The following OPCML variants were observed in gnomAD, a reference collection of about 807,000 sequenced individuals.
OPCML encodes the protein opioid-binding protein/cell adhesion molecule.
OPCML carries 13 observed loss-of-function variants against 37.8 expected under a neutral mutation model. The observed-to-expected ratio is 0.34, with a 90% CI of 0.22 to 0.55. The LOEUF is 0.55. Among genes scored for constraint, OPCML ranks in the 20% least tolerant of loss-of-function variants. The pLI is 0.91. For missense variants in OPCML, 341 were observed against 435.6 expected, an observed-to-expected ratio of 0.78 and a Z score of 1.93; for synonymous variants, 176 against 168.8, an observed-to-expected ratio of 1.04 and a Z score of -0.33.
At chr11:132,426,517 C>G (rs926318570) in intron 7 of OPCML, among the ~76,000 whole-genome samples, 2 of 152,112 alleles carry the variant, frequency 1.3e-5, no homozygotes, top group African/African-American at 4.8e-5. Flanking sequence ...TCGGCTGAAT[C>G]TGCCTTTCAG....
chr11:132,934,912 G>C (rs367926850), intron 2 of OPCML, among the ~76,000 whole-genome samples: 1 of 152,098 alleles, frequency 6.6e-6, no homozygotes, highest in Admixed American at 6.5e-5. Context: ...GGCCGGGATG[G>C]GGGGAACACC....
At chr11:132,433,627 C>T (rs111267627) in intron 7 of OPCML, among the ~76,000 whole-genome samples, 2,365 of 152,252 alleles carry the variant, frequency 0.016, 51 homozygotes, top group African/African-American at 0.053. Flanking sequence ...ATGCTCTAAC[C>T]CCCAGTATGT....
intron 2 of OPCML, among the ~76,000 whole-genome samples, chr11:132,717,029 A>G (rs918925541): frequency 6.6e-6 from 1 of 152,180 alleles, no homozygotes; most frequent in Non-Finnish European, 1.5e-5. Context: ...AAAAATTTAA[A>G]CATGGAGATA....
chr11:133,307,168 G>A (rs983089979), intron 1 of OPCML, among the ~76,000 whole-genome samples: 4 of 152,018 alleles, frequency 2.6e-5, no homozygotes, highest in African/African-American at 9.7e-5. Flanking sequence ...CATTTCGAAA[G>A]TAAAAGTAAA....
intron 2 of OPCML, among the ~76,000 whole-genome samples, chr11:132,758,053 G>A (rs2136088361): frequency 6.6e-6 from 1 of 152,276 alleles, no homozygotes; most frequent in South Asian, 2.1e-4. Flanking sequence ...TATTAAATAG[G>A]GAATCCTTTC....
At chr11:133,244,552 A>G (rs1306584436) in intron 1 of OPCML, among the ~76,000 whole-genome samples, 2 of 152,160 alleles carry the variant, frequency 1.3e-5, no homozygotes. Flanking sequence ...CTCATGTCGA[A>G]TTATAATCTC....
At chr11:133,339,075 C>T (rs1042910021) in intron 1 of OPCML, among the ~76,000 whole-genome samples, 1 of 152,188 alleles carries the variant, frequency 6.6e-6, no homozygotes, top group African/African-American at 2.4e-5. Context: ...CAAAATACAA[C>T]TTTTATCTCC....
chr11:132,509,266 A>G (rs28807814), intron 4 of OPCML, among the ~76,000 whole-genome samples: 30,446 of 152,080 alleles, frequency 0.2, 3,135 homozygotes, highest in Non-Finnish European at 0.22. Context: ...ACTGTTAAAG[A>G]GTACTGTTAA....
intron 2 of OPCML, among the ~76,000 whole-genome samples, chr11:132,902,695 C>A (rs1167448467): frequency 6.6e-6 from 1 of 152,142 alleles, no homozygotes; most frequent in African/African-American, 2.4e-5. Flanking sequence ...TCTGCCCTCA[C>A]CCCTGGCACA....
chr11:132,969,060 C>A (rs565909210), intron 1 of OPCML, among the ~76,000 whole-genome samples: 9 of 152,066 alleles, frequency 5.9e-5, no homozygotes, highest in Non-Finnish European at 8.8e-5. Flanking sequence ...ATCACCAGAG[C>A]GCTATACACT....
chr11:132,723,541 C>T (rs943988667), intron 2 of OPCML, among the ~76,000 whole-genome samples: 23 of 148,552 alleles, frequency 1.5e-4, no homozygotes, highest in African/African-American at 5.1e-4. Flanking sequence ...GGTAAACATT[C>T]GGTAATTTTA....
At chr11:132,670,808 A>G (rs1342319908) in intron 2 of OPCML, among the ~76,000 whole-genome samples, 1 of 152,198 alleles carries the variant, frequency 6.6e-6, no homozygotes, top group Non-Finnish European at 1.5e-5. Flanking sequence ...ATATTTACAT[A>G]ATTACTTACT....
intron 1 of OPCML, among the ~76,000 whole-genome samples, chr11:133,249,990 A>T (rs1026556081): frequency 4.6e-5 from 7 of 152,202 alleles, no homozygotes; most frequent in Non-Finnish European, 7.3e-5. Flanking sequence ...ATTCCATCTA[A>T]CAACCCCCAG....
intron 1 of OPCML, among the ~76,000 whole-genome samples, chr11:133,403,601 G>C (rs1375020324): frequency 1.3e-5 from 2 of 152,160 alleles, no homozygotes; most frequent in African/African-American, 4.8e-5. Flanking sequence ...TAACCTCTTA[G>C]GAGATTACCC....
At chr11:132,471,841 G>T (rs1312384728) in intron 4 of OPCML, among the ~76,000 whole-genome samples, 1 of 152,170 alleles carries the variant, frequency 6.6e-6, no homozygotes. Flanking sequence ...TAGCTCAAGA[G>T]CCCATCCCAT....
At chr11:132,441,165 G>GTTTTTTTTTTGTTTTTTTT (rs2096031953) in intron 4 of OPCML, among the ~76,000 whole-genome samples, 3 of 72,398 alleles carry the variant, frequency 4.1e-5, no homozygotes, top group African/African-American at 3.3e-4. Flanking sequence ...GGACTTTTTT[G>GTTTTTTTTTTGTTTTTTTT]TTTTTTTTTT....
At chr11:132,488,575 G>A (rs2096207014) in intron 4 of OPCML, among the ~76,000 whole-genome samples, 1 of 152,226 alleles carries the variant, frequency 6.6e-6, no homozygotes, top group Admixed American at 6.5e-5. Flanking sequence ...TCCTCTGGGA[G>A]TCAGTGAGTG....
At chr11:132,577,778 C>A (rs1214460941) in intron 3 of OPCML, among the ~76,000 whole-genome samples, 1 of 152,162 alleles carries the variant, frequency 6.6e-6, no homozygotes, top group Non-Finnish European at 1.5e-5. Flanking sequence ...TGCTCAGTAA[C>A]CCTGTCTACA....
At chr11:133,401,433 CTAA>C (rs1418805541) in intron 1 of OPCML, among the ~76,000 whole-genome samples, 1 of 152,084 alleles carries the variant, frequency 6.6e-6, no homozygotes, top group East Asian at 1.9e-4. Flanking sequence ...GTGAAATGAA[CTAA>C]TATTATTATT....
Sources: allele counts gnomAD v4.1 joint callset (sites outside exome capture counted in the v4.1 genomes callset), GRCh38; gene constraint gnomAD v4.1.1; transcripts MANE v1.5; gene names NCBI Gene and HGNC (gene_info 2026-07-23, HGNC 2026-07-21).